Variants in ZC3H12B observed in about 807,000 individuals in gnomAD.
ZC3H12B encodes probable ribonuclease ZC3H12B.
Under a neutral mutation model 43.9 loss-of-function variants are expected in ZC3H12B, and 7 were observed. The ratio of observed to expected loss-of-function variants is 0.16; its 90% CI spans 0.09 to 0.30. The LOEUF (loss-of-function observed/expected upper bound fraction) is 0.30, where lower values mean the gene tolerates loss of function less well. Ranked by LOEUF, ZC3H12B falls within the 10% of genes least tolerant of loss-of-function variation. The probability of loss-of-function intolerance (pLI) is 1.00; values close to 1 mark genes in which losing one functional copy is unlikely to be tolerated. For synonymous variants in ZC3H12B, 222 were observed against 241.7 expected, an observed-to-expected ratio of 0.92 and a Z score of 0.76; for missense variants, 475 against 670.2, an observed-to-expected ratio of 0.71 and a Z score of 3.22.
chrX:65,468,143 T>C (rs752873652), intron 3 of ZC3H12B, among the ~76,000 whole-genome samples: 1 of 112,026 alleles, frequency 8.9e-6, no homozygotes, highest in Admixed American at 9.5e-5. Context: ...TGGTGAGAGA[T>C]AGAGATCCAG....
chrX:65,279,996 T>G, the ZC3H12B span, among the ~76,000 whole-genome samples: 21 of 112,543 alleles, frequency 1.9e-4, no homozygotes, highest in African/African-American at 6.4e-4. Context: ...TAATGCCAGT[T>G]GTTCTGAAAA....
Position 65,434,838 on chromosome X carries a change from C to T in ZC3H12B, n.407+36134C>T, listed in dbSNP as rs949408173. Among the ~76,000 whole-genome samples the T allele has an allele frequency of 2.7e-5, 3 of 111,014 alleles. No homozygotes were observed. The Admixed American group carries it at 2.9e-4, about 11-fold the overall frequency. ...GCCATTACTGTCTTTTCAGGCAGTG[C>T]AGTTAGATCCCTCAGGCAGAGGTGG... On this transcript the variant is annotated intron_variant and non_coding_transcript_variant, in intron 3 of 5. Coordinates refer to the ZC3H12B transcript ENST00000617377.
chrX:65,113,985 GTATA>G, the ZC3H12B span, among the ~76,000 whole-genome samples: 784 of 47,426 alleles, frequency 0.017, 20 homozygotes, highest in African/African-American at 0.039. Context: ...AGATATGCTT[GTATA>G]TATATATATA....
the ZC3H12B span, among the ~76,000 whole-genome samples, chrX:65,360,418 G>T: frequency 8.9e-6 from 1 of 112,227 alleles, no homozygotes; most frequent in Admixed American, 9.5e-5. Flanking sequence ...CACCATAAAA[G>T]AGATAGCAAT....
At chrX:65,129,423 G>A in the ZC3H12B span, among the ~76,000 whole-genome samples, 2 of 109,639 alleles carry the variant, frequency 1.8e-5, no homozygotes, top group African/African-American at 6.6e-5. Context: ...AGTTAGGGGT[G>A]GGGCAGTTTT....
In ZC3H12B at chrX:65,502,120, C is replaced by G. The variant is rs747257073; in HGVS notation, c.1422C>G (p.Ile474Met). The change falls in exon 5 of 5, where the codon ATC (isoleucine) becomes ATG (methionine). Residue 474 changes from isoleucine to methionine, a missense_variant. By Grantham distance (10) the Ile-to-Met change is conservative. This residue lies in a region of ZC3H12B where 289 missense variants were observed against 359.9 expected (regional missense o/e 0.80). Transcript: ENST00000338957. ...TGACTGCCCTAAGTGTTCCCACAAT[C>G]CCACCCCCCAAAAGCCATGCAGTGG... 5 of 1,209,801 alleles carry G rather than the reference C, an allele frequency of 4.1e-6. No individual in the cohort carries two copies. The South Asian group carries it at 8.8e-5, about 21-fold the overall frequency.
the ZC3H12B span, among the ~76,000 whole-genome samples, chrX:65,164,235 A>G: frequency 9.2e-4 from 102 of 111,291 alleles, no homozygotes; most frequent in African/African-American, 3.2e-3. Context: ...TGGGTTGGGA[A>G]TGAAATCACA....
the ZC3H12B span, among the ~76,000 whole-genome samples, chrX:65,350,160 CCAT>C: frequency 0.14 from 15,255 of 111,062 alleles, 2,546 homozygotes; most frequent in African/African-American, 0.47. Context: ...TTATCCAACG[CCAT>C]CAAGTCAGCT....
chrX:65,382,345 C>T (rs1786456402), intron 2 of ZC3H12B, among the ~76,000 whole-genome samples: 1 of 110,348 alleles, frequency 9.1e-6, no homozygotes, highest in Non-Finnish European at 1.9e-5. Flanking sequence ...GAACCAAAGA[C>T]AAAAACCACA....
intron 2 of ZC3H12B, among the ~76,000 whole-genome samples, chrX:65,381,319 A>G (rs2066436325): frequency 8.9e-6 from 1 of 111,927 alleles, no homozygotes; most frequent in Admixed American, 9.5e-5. Context: ...CCGCTCAACT[A>G]CATGGAAACT....
the ZC3H12B span, among the ~76,000 whole-genome samples, chrX:65,101,697 G>A: frequency 8.9e-6 from 1 of 111,756 alleles, no homozygotes; most frequent in Non-Finnish European, 1.9e-5. Flanking sequence ...CCAAAAAGAA[G>A]TCAAATCCCT....
the ZC3H12B span, among the ~76,000 whole-genome samples, chrX:65,132,544 G>A: frequency 9.0e-6 from 1 of 110,538 alleles, no homozygotes; most frequent in Non-Finnish European, 1.9e-5. Flanking sequence ...TTGAACTGGG[G>A]AAAAAGGGCA....
At chrX:65,129,563 G>A in the ZC3H12B span, among the ~76,000 whole-genome samples, 4 of 110,501 alleles carry the variant, frequency 3.6e-5, no homozygotes, top group Non-Finnish European at 3.8e-5. Context: ...AGGTAATGTC[G>A]TCAGTTAAGG....
chrX:65,230,321 G>A, the ZC3H12B span, among the ~76,000 whole-genome samples: 1 of 109,368 alleles, frequency 9.1e-6, no homozygotes, highest in Non-Finnish European at 1.9e-5. Flanking sequence ...ACTCATCGGT[G>A]GGAATTGAAC....
chrX:65,081,315 C>T, the ZC3H12B span, among the ~76,000 whole-genome samples: 620 of 110,467 alleles, frequency 5.6e-3, 3 homozygotes, highest in Non-Finnish European at 8.2e-3. Flanking sequence ...ATGGACTAAA[C>T]TCCTGAATCA....
chrX:65,157,227 C>T, the ZC3H12B span, among the ~76,000 whole-genome samples: 11 of 111,562 alleles, frequency 9.9e-5, no homozygotes, highest in African/African-American at 1.6e-4. Context: ...GGTATCTGCC[C>T]GCCTATGCCT....
the ZC3H12B span, among the ~76,000 whole-genome samples, chrX:65,306,244 C>G: frequency 8.9e-6 from 1 of 112,370 alleles, no homozygotes; most frequent in Non-Finnish European, 1.9e-5. Context: ...GGTTATGGAA[C>G]AACTAGAGCT....
the ZC3H12B span, among the ~76,000 whole-genome samples, chrX:65,329,934 C>T: frequency 8.9e-6 from 1 of 111,826 alleles, no homozygotes; most frequent in African/African-American, 3.3e-5. Flanking sequence ...CAGTACCATG[C>T]TGTTTTGGTT....
At chrX:65,059,080 G>T in the ZC3H12B span, among the ~76,000 whole-genome samples, 1 of 111,550 alleles carries the variant, frequency 9.0e-6, no homozygotes, top group East Asian at 2.8e-4. Flanking sequence ...TGCACCCACT[G>T]TCCTGCACCC....
Sources: allele counts gnomAD v4.1 joint callset (sites outside exome capture counted in the v4.1 genomes callset), GRCh38; gene constraint gnomAD v4.1.1; regional missense constraint gnomAD v4.1.1; transcripts MANE v1.5; gene names NCBI Gene and HGNC (gene_info 2026-07-23, HGNC 2026-07-21).